The following DDIT3 variants were observed in gnomAD, a reference collection of about 807,000 sequenced individuals.
DDIT3 encodes DNA damage-inducible transcript 3 protein.
In DDIT3, 14 loss-of-function variants were observed where a neutral mutation model predicts 17.6. The observed-to-expected ratio is 0.80, with a 90% CI of 0.53 to 1.25. The LOEUF (loss-of-function observed/expected upper bound fraction) is 1.25, where lower values mean the gene tolerates loss of function less well. DDIT3 is among the 50% of genes most tolerant of loss of function. DDIT3 has a pLI of 0.00. For synonymous variants in DDIT3, 93 were observed against 76.5 expected (o/e 1.22, Z -1.13); for missense variants, 216 against 202.7 (o/e 1.07, Z -0.40).
rs984795249 is a variant in DDIT3 at position 57,517,690 on chromosome 12, G to A, written c.-33+16C>T. 7 of 573,648 alleles carry A rather than the reference G, an allele frequency of 1.2e-5. No homozygotes were observed. The highest frequency in any genetic ancestry group is 3.7e-5 in the African/African-American group (2 of 53,508). 35.5% of individuals were successfully genotyped at this position (573,648 alleles called of 1,614,324 possible). A position where few individuals can be genotyped will look rare whatever the true frequency, so the allele number is the denominator to read the frequency against. On this transcript the variant is annotated intron_variant, in intron 2 of 3. Coordinates refer to ENST00000346473, the MANE Select transcript of DDIT3 (RefSeq NM_004083.6). ...CTGCCGTTTAAAATTTTTGGAAAAG[G>A]GTAGGTTAAGTTTACCTGCTTTCAG...
At chr12:57,517,634 AG>A (rs1877970450) in intron 2 of DDIT3, 71 bp downstream of exon 2, 1 of 631,296 alleles carries the variant, frequency 1.6e-6, no homozygotes. Flanking sequence ...TAGAGACTAT[AG>A]GACTTTTAAC....
chr12:57,517,526 T>C lies in DDIT3; in HGVS notation c.-32-88A>G, dbSNP rs28382851. 3,086 of 1,428,700 alleles carry C rather than the reference T, an allele frequency of 2.2e-3. 12 individuals carry two copies. The highest frequency in any genetic ancestry group is 0.021 in the Middle Eastern group (120 of 5,738). The allele number at this position is 1,428,700 out of a possible 1,614,324, so 88.5% of individuals were successfully genotyped here. A position where few individuals can be genotyped will look rare whatever the true frequency, so the allele number is the denominator to read the frequency against. On this transcript the variant is annotated intron_variant, in intron 2 of 3. Coordinates refer to ENST00000346473, the MANE Select transcript of DDIT3 (RefSeq NM_004083.6). ...TGGCAAGCTGGTCTGATGCCTGTTT[T>C]TGTAGGTAAAGTTGTACTGGAATAC...
Position 57,516,598 on chromosome 12 carries a change from GA to G in DDIT3, c.*210del. On this transcript the variant is annotated 3_prime_UTR_variant, in exon 4 of 4. Coordinates refer to ENST00000346473, the MANE Select transcript of DDIT3 (RefSeq NM_004083.6). Reference sequence around the variant, plus strand: ...AAAAAGTAAAAGACCTTGGCTCATAGAAAGTCACTTTAATAGATAGGGACAG... The same window carrying G: ...AAAAAGTAAAAGACCTTGGCTCATAGAAGTCACTTTAATAGATAGGGACAG... 4 of 1,559,248 alleles carry G rather than the reference GA, an allele frequency of 2.6e-6. No homozygotes were observed. Among genetic ancestry groups the G allele is most frequent in the Non-Finnish European group, 3.4e-6 (4 of 1,159,744 alleles).
intron 3 of DDIT3, 44 bp from the exon 4 acceptor site, chr12:57,517,224 G>A (rs1877930280): frequency 1.2e-6 from 2 of 1,611,764 alleles, no homozygotes; most frequent in Non-Finnish European, 1.7e-6. Context: ...TAGTTGAGAA[G>A]GGAAAGGTAA....
At position 57,516,625 on chromosome 12, in the gene DDIT3, TAATA is replaced by T. The variant is rs768835044; in HGVS notation, c.*180_*183del. On this transcript the variant is annotated 3_prime_UTR_variant, in exon 4 of 4. Coordinates refer to ENST00000346473, the MANE Select transcript of DDIT3 (RefSeq NM_004083.6). The stretch of plus-strand genomic sequence containing the variant: ...AAGTCACTTTAATAGATAGGGACAG[TAATA>T]AATAAATGTACAATCTCTATATACA... 1.9e-6 allele frequency: 3 copies of T among 1,538,486 alleles called. No individual in the cohort carries two copies. The highest frequency in any genetic ancestry group is 1.3e-5 in the South Asian group (1 of 77,706).
Position 57,517,317 on chromosome 12 carries a change from A to G in DDIT3, c.90T>C (p.Ser30=), listed in dbSNP as rs776182153. Residue 30 remains serine, a synonymous_variant, in exon 3 of 4, where the codon TCT becomes TCC. Coordinates refer to ENST00000346473, the MANE Select transcript of DDIT3 (RefSeq NM_004083.6). ...AWYEDLQEVL[S]SDENGGTYVS... ...CATAGGTACCCCCATTTTCATCTGA[A>G]GACAGGACCTCTTGCAGGTCCTCAT... The G allele has an allele frequency of 1.9e-6, 3 of 1,614,164 alleles. No homozygotes were observed. The South Asian group carries it at 3.3e-5, about 18-fold the overall frequency.
At position 57,516,797 on chromosome 12, in the gene DDIT3, GC is replaced by G. The variant is rs1877875382; in HGVS notation, c.*11del. On this transcript the variant is annotated 3_prime_UTR_variant, in exon 4 of 4. Transcript: ENST00000346473. ...AGTGTGGCCCAAGTGGGGGACTGAT[GC>G]TCCCAATTGTTCATGCTTGGTGCAG... The G allele has an allele frequency of 6.2e-7, 1 of 1,605,498 alleles. No homozygotes were observed. Among genetic ancestry groups the G allele is most frequent in the African/African-American group, 1.3e-5 (1 of 74,922 alleles).
intron 1 of DDIT3, chr12:57,519,310 C>T: frequency 4.4e-6 from 2 of 452,150 alleles, no homozygotes; most frequent in South Asian, 3.1e-5. Context: ...CCTGAACATT[C>T]TCCATTCCTT....
chr12:57,518,264 G>A (rs1276339006), intron 1 of DDIT3, among the ~76,000 whole-genome samples: 1 of 152,124 alleles, frequency 6.6e-6, no homozygotes, highest in Non-Finnish European at 1.5e-5. Context: ...TTGTAGTCCT[G>A]GTTACATAAT....
Position 57,516,891 on chromosome 12 carries a change from T to A in DDIT3, c.428A>T (p.Gln143Leu). 1 of 1,614,086 alleles carries A rather than the reference T, an allele frequency of 6.2e-7. No individual in the cohort carries two copies. The highest frequency in any genetic ancestry group is 1.1e-5 in the South Asian group (1 of 91,086). ...QLAEENERLK[Q>L]EIERLTREVE... ...TTCCCTGGTCAGGCGCTCGATTTCC[T>A]GCTTGAGCCGTTCATTCTCTTCAGC... Residue 143 changes from glutamine to leucine, a missense_variant, in exon 4 of 4, where the codon CAG (glutamine) becomes CTG (leucine). Physicochemically the swap from Gln to Leu is moderately radical, Grantham distance 113. Transcript: ENST00000346473.
intron 1 of DDIT3, among the ~76,000 whole-genome samples, chr12:57,518,187 T>G (rs1193560202): frequency 1.3e-5 from 2 of 152,178 alleles, no homozygotes; most frequent in Non-Finnish European, 2.9e-5. Flanking sequence ...GTATGCATAC[T>G]TGGTCCCTGT....
intron 2 of DDIT3, 51 bp from the exon 3 acceptor site, chr12:57,517,489 T>C (rs758657257): frequency 1.9e-6 from 3 of 1,592,734 alleles, no homozygotes; most frequent in African/African-American, 2.7e-5. Flanking sequence ...GCAAACAGTC[T>C]ATGCCACAAG....
At position 57,516,738 on chromosome 12, in the gene DDIT3, G is replaced by C; in HGVS notation, c.*71C>G. ...GGTCACATCATTGGCACTAGTGAGA[G>C]GGTAGTCAGTAGCCACTTCTGGGAA... On this transcript the variant is annotated 3_prime_UTR_variant, in exon 4 of 4. Transcript: ENST00000346473. 1 of 1,567,780 alleles carries C rather than the reference G, an allele frequency of 6.4e-7. No individual in the cohort carries two copies. The highest frequency in any genetic ancestry group is 8.6e-7 in the Non-Finnish European group (1 of 1,158,188).
At position 57,516,783 on chromosome 12, in the gene DDIT3, A is replaced by G. The variant is rs755753113; in HGVS notation, c.*26T>C. On this transcript the variant is annotated 3_prime_UTR_variant, in exon 4 of 4. Transcript: ENST00000346473. Reference sequence around the variant, plus strand: ...TGGGAAAGGTGGGTAGTGTGGCCCAAGTGGGGGACTGATGCTCCCAATTGT... The same window carrying G: ...TGGGAAAGGTGGGTAGTGTGGCCCAGGTGGGGGACTGATGCTCCCAATTGT... 2 of 1,599,932 alleles carry G rather than the reference A, an allele frequency of 1.3e-6. No individual in the cohort carries two copies. Among genetic ancestry groups the G allele is most frequent in the African/African-American group, 1.3e-5 (1 of 74,664 alleles).
intron 1 of DDIT3, chr12:57,519,273 C>G (rs1878112147): frequency 1.9e-6 from 1 of 518,210 alleles, no homozygotes. Context: ...AATTCCTGAC[C>G]ACCTGATGTA....
At chr12:57,518,461 C>T (rs1431954080) in intron 1 of DDIT3, among the ~76,000 whole-genome samples, 1 of 152,220 alleles carries the variant, frequency 6.6e-6, no homozygotes, top group East Asian at 1.9e-4. Context: ...ACTCTGCTGT[C>T]TACTGCCTAC....
At chr12:57,517,849 A>C in intron 1 of DDIT3, 96 bp from the exon 2 acceptor site, 2 of 428,692 alleles carry the variant, frequency 4.7e-6, no homozygotes, top group Admixed American at 4.0e-5. Context: ...TTTTTTTGAG[A>C]CCAAGTCTTG....
rs759165764 is a variant in DDIT3, at chr12:57,517,446, A to G, written c.-32-8T>C. 3.1e-6 allele frequency: 5 copies of G among 1,601,626 alleles called. No individual in the cohort carries two copies. Among genetic ancestry groups the G allele is most frequent in the Middle Eastern group, 1.7e-4 (1 of 6,060 alleles). On this transcript the variant is annotated splice_polypyrimidine_tract_variant and splice_region_variant and intron_variant, in intron 2 of 3. Coordinates refer to ENST00000346473, the MANE Select transcript of DDIT3 (RefSeq NM_004083.6). Reference sequence around the variant, plus strand: ...CAGTCTGGAAAAGCACATCTGCAGGATAATGGGGAGTGGCTGGAACAAGCT... The same window carrying G: ...CAGTCTGGAAAAGCACATCTGCAGGGTAATGGGGAGTGGCTGGAACAAGCT...
intron 2 of DDIT3, 113 bp downstream of exon 2, chr12:57,517,593 G>A: frequency 1.3e-6 from 1 of 753,962 alleles, no homozygotes. Flanking sequence ...GGCTGCTTTG[G>A]TGCTACAGTG....
Sources: gnomAD v4.1 joint callset for allele counts (sites outside exome capture counted in the v4.1 genomes callset) on GRCh38, gnomAD v4.1.1 for gene constraint, MANE v1.5 for transcripts, NCBI Gene and HGNC (gene_info 2026-07-23, HGNC 2026-07-21) for gene names.